Variants in DDHD1 observed in about 807,000 individuals in gnomAD.
DDHD1 encodes the protein phospholipase DDHD1.
A neutral mutation model predicts 96.4 loss-of-function variants in DDHD1; 49 were observed. That is an observed-to-expected ratio of 0.51 (90% confidence interval 0.40 to 0.64). DDHD1 has a LOEUF of 0.64. Ranked by LOEUF, DDHD1 falls within the 30% of genes least tolerant of loss-of-function variation. The pLI is 0.00. For synonymous variants in DDHD1, 442 were observed against 446.5 expected, an observed-to-expected ratio of 0.99 and a Z score of 0.13; for missense variants, 1,106 against 1,161.2, an observed-to-expected ratio of 0.95 and a Z score of 0.69.
rs562485185 is a variant in DDHD1 at position 53,103,329 on chromosome 14, T to C, written c.1012+354A>G. ...CAGGAAAAGAACATTGAAATATTAA[T>C]GAAACTTGTCTTGATATAACAACAA... is the stretch of plus-strand genomic sequence containing the variant. On this transcript the variant is annotated intron_variant, in intron 2 of 12. Transcript: ENST00000673822. 2.4e-5 allele frequency: 9 copies of C among 376,308 alleles called. No individual in the cohort carries two copies. The South Asian group carries it at 6.4e-4, about 27-fold the overall frequency. The allele number at this position is 376,308 out of a possible 1,614,324, so 23.3% of individuals were successfully genotyped here.
intron 1 of DDHD1, among the ~76,000 whole-genome samples, chr14:53,151,755 C>A (rs1246159573): frequency 1.3e-5 from 2 of 152,194 alleles, no homozygotes; most frequent in Admixed American, 1.3e-4. Context: ...TCCGAACACA[C>A]CCAGTGGGAA....
At chr14:53,100,534 T>C (rs149349661) in intron 2 of DDHD1, among the ~76,000 whole-genome samples, 1 of 152,260 alleles carries the variant, frequency 6.6e-6, no homozygotes, top group East Asian at 1.9e-4. Flanking sequence ...TCCATTTTAT[T>C]AAAGGGACTT....
At chr14:53,114,521 C>G (rs1888397585) in intron 1 of DDHD1, among the ~76,000 whole-genome samples, 1 of 152,198 alleles carries the variant, frequency 6.6e-6, no homozygotes, top group African/African-American at 2.4e-5. Flanking sequence ...CCCTCTGGGA[C>G]AAAGCTTCCA....
At chr14:53,124,360 C>G (rs1889272680) in intron 1 of DDHD1, among the ~76,000 whole-genome samples, 1 of 151,960 alleles carries the variant, frequency 6.6e-6, no homozygotes, top group Non-Finnish European at 1.5e-5. Flanking sequence ...TACCTGAATA[C>G]TTGTTCATTC....
At chr14:53,048,752 T>C (rs1270105975) in intron 12 of DDHD1, 1 of 152,198 alleles carries the variant, frequency 6.6e-6, no homozygotes, top group Admixed American at 6.5e-5. Context: ...TTGTATTCCA[T>C]GGGACATTTG....
intron 1 of DDHD1, among the ~76,000 whole-genome samples, chr14:53,134,676 T>TA (rs1454293310): frequency 1.3e-5 from 2 of 151,752 alleles, no homozygotes; most frequent in African/African-American, 4.8e-5. Flanking sequence ...TGGCCTGGTA[T>TA]ATGACAACAT....
rs11847919 is a variant in DDHD1, at chr14:53,087,912, C to A, written c.1289+3873G>T. ...AACAATCAACAAAATTGATAGACCGCTAGCAAGACTAACAAAGAAGAAAAA... is the reference window on the plus strand; with the variant it reads ...AACAATCAACAAAATTGATAGACCGATAGCAAGACTAACAAAGAAGAAAAA... On this transcript the variant is annotated intron_variant, in intron 4 of 12. Transcript: ENST00000673822. 3.9e-5 allele frequency among the ~76,000 whole-genome samples: 6 copies of A among 152,172 alleles called. No individual in the cohort carries two copies. The South Asian group carries it at 1.2e-3, about 32-fold the overall frequency.
At chr14:53,084,105 A>T (rs1461350167) in intron 4 of DDHD1, among the ~76,000 whole-genome samples, 1 of 152,234 alleles carries the variant, frequency 6.6e-6, no homozygotes, top group Non-Finnish European at 1.5e-5. Flanking sequence ...TTGGATCAAC[A>T]TCATTAGTCA....
chr14:53,085,053 G>C (rs540286314), intron 4 of DDHD1, among the ~76,000 whole-genome samples: 1 of 152,234 alleles, frequency 6.6e-6, no homozygotes, highest in Non-Finnish European at 1.5e-5. Flanking sequence ...ACTGCTAGGC[G>C]GCAGCCTGGC....
At chr14:53,048,280 G>A (rs1173504785) in intron 12 of DDHD1, among the ~76,000 whole-genome samples, 3 of 151,612 alleles carry the variant, frequency 2.0e-5, no homozygotes, top group Non-Finnish European at 4.4e-5. Context: ...ATACCAATTA[G>A]GTTATAAAAT....
rs1000754443 is a variant in DDHD1 at position 53,039,257 on chromosome 14, G to A, written c.*7511C>T. Reference sequence around the variant, plus strand: ...AAAGGGTGGAGTTTTGCCATGGATGGCTCCATCCTCATATCACCCCATGTG... The same window carrying A: ...AAAGGGTGGAGTTTTGCCATGGATGACTCCATCCTCATATCACCCCATGTG... On this transcript the variant is annotated 3_prime_UTR_variant, in exon 13 of 13. Coordinates refer to ENST00000673822, the MANE Select transcript of DDHD1 (RefSeq NM_001160148.2). The A allele has an allele frequency of 2.0e-5, 3 of 152,142 alleles. No homozygotes were observed. Among genetic ancestry groups the A allele is most frequent in the Non-Finnish European group, 4.4e-5 (3 of 68,030 alleles). The allele number at this position is 152,142 out of a possible 1,614,324, so 9.4% of individuals were successfully genotyped here.
rs1477526549 is a variant in DDHD1 at position 53,043,845 on chromosome 14, A to G, written c.*2923T>C. 1 of 152,238 alleles carries G rather than the reference A, an allele frequency of 6.6e-6. No homozygotes were observed. The highest frequency in any genetic ancestry group is 6.5e-5 in the Admixed American group (1 of 15,284). The allele number at this position is 152,238 out of a possible 1,614,324, so 9.4% of individuals were successfully genotyped here. A position where few individuals can be genotyped will look rare whatever the true frequency, so the allele number is the denominator to read the frequency against. On this transcript the variant is annotated 3_prime_UTR_variant, in exon 13 of 13. Transcript: ENST00000673822. Reference sequence around the variant, plus strand: ...AAGGCCTTAGCAAGACTAATTTTAAAGTAAAAATAAAGCAAGATTTAATCT... The same window carrying G: ...AAGGCCTTAGCAAGACTAATTTTAAGGTAAAAATAAAGCAAGATTTAATCT...
At chr14:53,151,456 T>A (rs1247130028) in intron 1 of DDHD1, among the ~76,000 whole-genome samples, 2 of 152,226 alleles carry the variant, frequency 1.3e-5, no homozygotes. Context: ...AACCCGTCTG[T>A]GTTGTTGTCT....
At chr14:53,142,905 A>G (rs1213695760) in intron 1 of DDHD1, among the ~76,000 whole-genome samples, 3 of 152,244 alleles carry the variant, frequency 2.0e-5, no homozygotes, top group South Asian at 4.1e-4. Context: ...GAATATGCCA[A>G]GTGAGGAAAC....
chr14:53,146,450 G>C (rs1890987415), intron 1 of DDHD1, among the ~76,000 whole-genome samples: 2 of 149,274 alleles, frequency 1.3e-5, no homozygotes, highest in Admixed American at 1.3e-4. Context: ...GTTGCAGTGA[G>C]CTGAGATCAC....
At chr14:53,128,315 G>A (rs1466021233) in intron 1 of DDHD1, among the ~76,000 whole-genome samples, 2 of 152,172 alleles carry the variant, frequency 1.3e-5, no homozygotes, top group Non-Finnish European at 2.9e-5. Context: ...ATACCATAAA[G>A]TTGGTAGCTT....
At chr14:53,084,366 C>T (rs1885743713) in intron 4 of DDHD1, among the ~76,000 whole-genome samples, 1 of 152,154 alleles carries the variant, frequency 6.6e-6, no homozygotes, top group African/African-American at 2.4e-5. Flanking sequence ...GGATTTCCCT[C>T]ACCTGTACTC....
At chr14:53,105,754 G>T (rs1887642161) in intron 1 of DDHD1, among the ~76,000 whole-genome samples, 1 of 152,028 alleles carries the variant, frequency 6.6e-6, no homozygotes. Context: ...TATTTTAATA[G>T]ATGAGTTAAG....
chr14:53,147,788 G>C (rs1891099758), intron 1 of DDHD1, among the ~76,000 whole-genome samples: 1 of 152,116 alleles, frequency 6.6e-6, no homozygotes, highest in Admixed American at 6.6e-5. Flanking sequence ...AAAGATAAAA[G>C]TCTCCAACAC....
Sources: gnomAD v4.1 joint callset for allele counts (sites outside exome capture counted in the v4.1 genomes callset) on GRCh38, gnomAD v4.1.1 for gene constraint, MANE v1.5 for transcripts, NCBI Gene and HGNC (gene_info 2026-07-23, HGNC 2026-07-21) for gene names.